ERC1: variants seen among roughly 807,000 people sequenced by gnomAD.
ERC1 encodes the protein ELKS/RAB6-interacting/CAST family member 1.
In ERC1, 56 loss-of-function variants were observed where a neutral mutation model predicts 132.0. The ratio of observed to expected loss-of-function variants is 0.42; its 90% CI spans 0.34 to 0.53. The LOEUF is 0.53. ERC1 is among the 20% of genes least tolerant of loss of function. The pLI, the probability that ERC1 is intolerant of heterozygous loss-of-function variation, is 0.03. For synonymous variants in ERC1, 478 were observed against 476.1 expected (o/e 1.00, Z -0.05); for missense variants, 1,202 against 1,349.9 (o/e 0.89, Z 1.72).
chr12:1,403,404 G>A (rs1260702769), intron 16 of ERC1, among the ~76,000 whole-genome samples: 4 of 152,164 alleles, frequency 2.6e-5, no homozygotes, highest in East Asian at 3.9e-4. Context: ...AGCATACTAT[G>A]AGAGCCCCTT....
rs536910808 is a variant in ERC1 at position 1,310,050 on chromosome 12, C to T, written c.2780+20038C>T. 3.9e-5 allele frequency among the ~76,000 whole-genome samples: 6 copies of T among 151,966 alleles called. No homozygotes were observed. In the East Asian group the frequency reaches 1.2e-3, roughly 29 times the overall value. On this transcript the variant is annotated intron_variant, in intron 15 of 18. Coordinates refer to ENST00000360905, the MANE Select transcript of ERC1 (RefSeq NM_178040.4). ...GCAAGCTCTGCCTCCCGGGTTCACG[C>T]CATTCTCCTGCCTCAGACTCCTGAG...
chr12:1,155,314 C>CAAAAA (rs151006544), intron 8 of ERC1, among the ~76,000 whole-genome samples: 13 of 55,080 alleles, frequency 2.4e-4, no homozygotes, highest in Admixed American at 9.0e-4. Context: ...GACTTCATCT[C>CAAAAA]AAAAAAAAAA....
At chr12:1,403,912 A>G (rs888661864) in intron 16 of ERC1, among the ~76,000 whole-genome samples, 1 of 152,254 alleles carries the variant, frequency 6.6e-6, no homozygotes, top group Non-Finnish European at 1.5e-5. Context: ...GACATGATAC[A>G]GATGTTTCGC....
chr12:1,277,686 C>T (rs1467606826), intron 14 of ERC1, among the ~76,000 whole-genome samples: 1 of 152,042 alleles, frequency 6.6e-6, no homozygotes, highest in Admixed American at 6.6e-5. Flanking sequence ...TAGAGTGTTA[C>T]GTTGGTAACA....
At chr12:1,401,907 T>C (rs182728063) in intron 16 of ERC1, among the ~76,000 whole-genome samples, 64 of 152,234 alleles carry the variant, frequency 4.2e-4, no homozygotes, top group African/African-American at 1.4e-3. Flanking sequence ...CAAAATGCAG[T>C]GCAGAAGGAT....
At chr12:1,352,841 T>G (rs2085141798) in intron 15 of ERC1, among the ~76,000 whole-genome samples, 1 of 152,176 alleles carries the variant, frequency 6.6e-6, no homozygotes, top group Admixed American at 6.5e-5. Context: ...CAAATACATA[T>G]TCATTATATC....
chr12:1,131,421 T>C (rs571079401), intron 7 of ERC1, among the ~76,000 whole-genome samples: 1 of 152,300 alleles, frequency 6.6e-6, no homozygotes, highest in Non-Finnish European at 1.5e-5. Context: ...ATAGATCTGT[T>C]TATTGATTTA....
At chr12:1,279,137 T>G (rs2078487010) in intron 14 of ERC1, among the ~76,000 whole-genome samples, 1 of 152,192 alleles carries the variant, frequency 6.6e-6, no homozygotes, top group Non-Finnish European at 1.5e-5. Context: ...ATCTCCTATT[T>G]TCTTATTTCT....
intron 18 of ERC1, among the ~76,000 whole-genome samples, chr12:1,458,850 G>A (rs1430835355): frequency 6.6e-6 from 1 of 152,214 alleles, no homozygotes; most frequent in East Asian, 1.9e-4. Flanking sequence ...TGGAAGCAGT[G>A]ACACCCAGTA....
intron 17 of ERC1, among the ~76,000 whole-genome samples, chr12:1,440,505 C>A (rs1421122286): frequency 7.9e-6 from 1 of 126,196 alleles, no homozygotes; most frequent in Non-Finnish European, 1.7e-5. Context: ...CGCGCCCGGC[C>A]TTTTTTTTTT....
chr12:1,060,291 G>C (rs894938781), intron 2 of ERC1, among the ~76,000 whole-genome samples: 3 of 151,304 alleles, frequency 2.0e-5, no homozygotes, highest in Admixed American at 6.6e-5. Context: ...TCGTCATTTA[G>C]CATTAGGTAT....
At chr12:1,349,557 G>T (rs574102684) in intron 15 of ERC1, among the ~76,000 whole-genome samples, 53 of 151,858 alleles carry the variant, frequency 3.5e-4, no homozygotes, top group African/African-American at 1.3e-3. Context: ...CCAGCTACTC[G>T]GGAGGCTGAG....
intron 12 of ERC1, among the ~76,000 whole-genome samples, chr12:1,228,070 A>T (rs77762549): frequency 1.3e-5 from 2 of 152,172 alleles, no homozygotes; most frequent in Non-Finnish European, 2.9e-5. Flanking sequence ...TTGAAATCCG[A>T]AAGTGTGATG....
chr12:1,295,305 C>T (rs919788837), intron 15 of ERC1, among the ~76,000 whole-genome samples: 1 of 152,126 alleles, frequency 6.6e-6, no homozygotes, highest in Admixed American at 6.5e-5. Flanking sequence ...CAGATGACCT[C>T]CTGAGGTCCC....
intron 6 of ERC1, among the ~76,000 whole-genome samples, chr12:1,113,073 AAATAT>A (rs1403419463): frequency 3.9e-5 from 6 of 152,198 alleles, no homozygotes; most frequent in Non-Finnish European, 8.8e-5. Context: ...TTTACATTGT[AAATAT>A]TTACATTGTA....
chr12:1,003,628 T>A (rs546152863), intron 1 of ERC1, among the ~76,000 whole-genome samples: 29 of 152,344 alleles, frequency 1.9e-4, no homozygotes, highest in African/African-American at 6.5e-4. Context: ...TTTTCCCATC[T>A]CAAAGGGAAA....
chr12:1,376,373 A>G (rs2087913959), intron 16 of ERC1, among the ~76,000 whole-genome samples: 1 of 151,018 alleles, frequency 6.6e-6, no homozygotes, highest in Non-Finnish European at 1.5e-5. Context: ...GCTACATCCC[A>G]TCTCACTCGC....
At position 1,440,505 on chromosome 12, in the gene ERC1, CT is replaced by C. The variant is rs75192034; in HGVS notation, c.3025-4041del. Among the ~76,000 whole-genome samples the C allele has an allele frequency of 4.8e-3, 605 of 126,156 alleles. 35 individuals are homozygous for C. Among genetic ancestry groups the C allele is most frequent in the African/African-American group, 0.014 (448 of 32,444 alleles). The allele number at this position is 126,156 out of a possible 152,430, so 82.8% of individuals were successfully genotyped here. ...ACAGGTGTGAGCCACCGCGCCCGGCCTTTTTTTTTTTTTTTTAATAGAGACA... is the reference window on the plus strand; with the variant it reads ...ACAGGTGTGAGCCACCGCGCCCGGCCTTTTTTTTTTTTTTTAATAGAGACA... On this transcript the variant is annotated intron_variant, in intron 17 of 18. Coordinates refer to ENST00000360905, the MANE Select transcript of ERC1 (RefSeq NM_178040.4).
chr12:1,014,172 GT>G (rs879649195), intron 1 of ERC1, among the ~76,000 whole-genome samples: 43 of 147,476 alleles, frequency 2.9e-4, no homozygotes, highest in South Asian at 1.1e-3. Flanking sequence ...AAAAATGTAA[GT>G]TTTTTTTTTT....
Sources: gnomAD v4.1 joint callset for allele counts (sites outside exome capture counted in the v4.1 genomes callset) on GRCh38, gnomAD v4.1.1 for gene constraint, MANE v1.5 for transcripts, NCBI Gene and HGNC (gene_info 2026-07-23, HGNC 2026-07-21) for gene names.